The following UBE2U variants were observed in gnomAD, a reference collection of about 807,000 sequenced individuals.
UBE2U encodes ubiquitin conjugating enzyme E2 U.
UBE2U carries 39 observed loss-of-function variants against 41.2 expected under a neutral mutation model. The ratio of observed to expected loss-of-function variants is 0.95; its 90% CI spans 0.73 to 1.24. UBE2U has a LOEUF of 1.24. UBE2U is among the 50% of genes most tolerant of loss of function. UBE2U has a pLI of 0.00. For synonymous variants in UBE2U, 107 were observed against 117.8 expected, an observed-to-expected ratio of 0.91 and a Z score of 0.60; for missense variants, 336 against 363.1, an observed-to-expected ratio of 0.93 and a Z score of 0.61.
intron 5 of UBE2U, among the ~76,000 whole-genome samples, chr1:64,218,834 G>A (rs187928996): frequency 3.0e-4 from 46 of 152,232 alleles, no homozygotes; most frequent in African/African-American, 1.1e-3. Flanking sequence ...TTTTTTATGT[G>A]TGTACTATCT....
intron 9 of UBE2U, among the ~76,000 whole-genome samples, chr1:64,266,001 A>G (rs1014660104): frequency 1.3e-5 from 2 of 152,238 alleles, no homozygotes; most frequent in Admixed American, 6.5e-5. Context: ...AAATAAACAT[A>G]TGAGGCAAAC....
At chr1:64,257,803 A>G (rs1322012984) in intron 8 of UBE2U, among the ~76,000 whole-genome samples, 1 of 152,086 alleles carries the variant, frequency 6.6e-6, no homozygotes. Context: ...AAGACTAATT[A>G]TATGTTATGT....
In UBE2U at chr1:64,204,101, G is replaced by A. The variant is rs749564143; in HGVS notation, c.51G>A (p.Lys17=). 1.2e-6 allele frequency: 2 copies of A among 1,613,792 alleles called. No homozygotes were observed. Among genetic ancestry groups the A allele is most frequent in the Non-Finnish European group, 1.7e-6 (2 of 1,179,834 alleles). Residue 17 remains lysine (K), a synonymous_variant, in exon 1 of 10, where the codon AAG becomes AAA. Transcript: ENST00000371077. ...LLLHRDFCDL[K]ENNYKGITAK... is the part of the protein sequence containing the mutation. ...TGCACAGAGACTTCTGTGATCTCAAGGAGAACAATTATAAGGTAAGTACTG... is the reference window on the plus strand; with the variant it reads ...TGCACAGAGACTTCTGTGATCTCAAAGAGAACAATTATAAGGTAAGTACTG...
intron 6 of UBE2U, among the ~76,000 whole-genome samples, chr1:64,221,734 A>G (rs1211752835): frequency 6.6e-6 from 1 of 152,216 alleles, no homozygotes; most frequent in Non-Finnish European, 1.5e-5. Context: ...TAGTGTTGTA[A>G]CAGTGTTTAC....
intron 8 of UBE2U, 69 bp downstream of exon 8, chr1:64,241,802 C>G: frequency 8.3e-7 from 1 of 1,202,450 alleles, no homozygotes. Context: ...TTTCTACTAT[C>G]CAACTTGGAA....
chr1:64,239,175 G>GAAGAAGAAGAAGAAGAAGAAGAA (rs1644781698), intron 7 of UBE2U, among the ~76,000 whole-genome samples: 4 of 95,404 alleles, frequency 4.2e-5, no homozygotes, highest in Admixed American at 1.0e-4. Context: ...AGAAGAAGAA[G>GAAGAAGAAGAAGAAGAAGAAGAA]AAGAAGAAGA....
intron 7 of UBE2U, among the ~76,000 whole-genome samples, chr1:64,236,394 G>T (rs1300693693): frequency 6.6e-6 from 1 of 152,088 alleles, no homozygotes; most frequent in Non-Finnish European, 1.5e-5. Flanking sequence ...TTCAAACTCG[G>T]AAGTACATGC....
chr1:64,232,837 C>A (rs964008578), intron 7 of UBE2U, among the ~76,000 whole-genome samples, 188 bp downstream of exon 7: 1 of 151,880 alleles, frequency 6.6e-6, no homozygotes, highest in South Asian at 2.1e-4. Context: ...ATAATTTTAA[C>A]TTTTTGTCTT....
At chr1:64,221,896 C>T (rs1323208915) in intron 6 of UBE2U, among the ~76,000 whole-genome samples, 1 of 152,040 alleles carries the variant, frequency 6.6e-6, no homozygotes, top group Non-Finnish European at 1.5e-5. Context: ...ACCATCCTGG[C>T]TAACATGGTG....
chr1:64,226,675 A>T (rs1255476058), intron 6 of UBE2U, among the ~76,000 whole-genome samples: 1 of 152,138 alleles, frequency 6.6e-6, no homozygotes, highest in East Asian at 1.9e-4. Context: ...TTAAAAGAAG[A>T]AAAAGATATT....
Position 64,232,657 on chromosome 1 carries a change from G to A in UBE2U, c.595+8G>A. The A allele has an allele frequency of 1.9e-6, 3 of 1,601,528 alleles. No homozygotes were observed. Among genetic ancestry groups the A allele is most frequent in the Non-Finnish European group, 2.6e-6 (3 of 1,170,266 alleles). ...AATACTACAGAACTCCATGTAAGGT[G>A]AACTATCCTTATCCTATGTCCTTTT... On this transcript the variant is annotated splice_region_variant and intron_variant, in intron 7 of 9. Transcript: ENST00000371077.
intron 5 of UBE2U, among the ~76,000 whole-genome samples, chr1:64,218,097 C>A (rs1416154098): frequency 1.3e-5 from 2 of 152,110 alleles, no homozygotes; most frequent in Admixed American, 6.6e-5. Context: ...ACCCCTTCCC[C>A]TGAGAAATAT....
chr1:64,254,640 C>G (rs1285100526), intron 8 of UBE2U, among the ~76,000 whole-genome samples: 1 of 152,066 alleles, frequency 6.6e-6, no homozygotes, highest in Non-Finnish European at 1.5e-5. Flanking sequence ...GAGCAACCTG[C>G]TCCTGAAATT....
chr1:64,208,511 G>A (rs1651447939), intron 3 of UBE2U, among the ~76,000 whole-genome samples: 1 of 145,404 alleles, frequency 6.9e-6, no homozygotes, highest in African/African-American at 2.5e-5. Context: ...GTCTGAGGTA[G>A]GAGGATTGCT....
intron 6 of UBE2U, among the ~76,000 whole-genome samples, chr1:64,228,285 G>T (rs530467094): frequency 2.6e-5 from 4 of 152,190 alleles, no homozygotes; most frequent in African/African-American, 9.7e-5. Context: ...AGAGCCAGAG[G>T]TGTGGTCAGT....
At chr1:64,234,541 TA>T (rs1644631519) in intron 7 of UBE2U, among the ~76,000 whole-genome samples, 1 of 152,202 alleles carries the variant, frequency 6.6e-6, no homozygotes, top group African/African-American at 2.4e-5. Flanking sequence ...CTAAGCTTAA[TA>T]AATATCCTTA....
At chr1:64,236,586 C>T (rs1184450475) in intron 7 of UBE2U, among the ~76,000 whole-genome samples, 2 of 152,052 alleles carry the variant, frequency 1.3e-5, no homozygotes, top group African/African-American at 2.4e-5. Flanking sequence ...AGAATATGAT[C>T]CCCATAAGGA....
At chr1:64,227,351 T>C (rs1449015706) in intron 6 of UBE2U, among the ~76,000 whole-genome samples, 1 of 152,214 alleles carries the variant, frequency 6.6e-6, no homozygotes, top group Non-Finnish European at 1.5e-5. Context: ...ATAGATAACA[T>C]GATTATGTGC....
chr1:64,235,220 T>C (rs1368964886), intron 7 of UBE2U, among the ~76,000 whole-genome samples: 1 of 152,216 alleles, frequency 6.6e-6, no homozygotes, highest in Non-Finnish European at 1.5e-5. Context: ...TAGTATGTGA[T>C]TCATCCCTGT....
Sources: allele counts gnomAD v4.1 joint callset (sites outside exome capture counted in the v4.1 genomes callset), GRCh38; gene constraint gnomAD v4.1.1; transcripts MANE v1.5; gene names NCBI Gene and HGNC (gene_info 2026-07-23, HGNC 2026-07-21).